The following CASD1 variants were observed in gnomAD, a reference collection of about 807,000 sequenced individuals.
CASD1 encodes the protein N-acetylneuraminate (7)9-O-acetyltransferase.
A neutral mutation model predicts 100.0 loss-of-function variants in CASD1; 41 were observed. The ratio of observed to expected loss-of-function variants is 0.41; its 90% CI spans 0.32 to 0.53. CASD1 has a LOEUF of 0.53. Ranked by LOEUF, CASD1 falls within the 20% of genes least tolerant of loss-of-function variation. The pLI is 0.25. For synonymous variants in CASD1, 321 were observed against 315.6 expected, an observed-to-expected ratio of 1.02 and a Z score of -0.18; for missense variants, 774 against 948.7, an observed-to-expected ratio of 0.82 and a Z score of 2.42.
At chr7:94,623,487 T>C in the CASD1 span, 2 of 840,148 alleles carry the variant, frequency 2.4e-6, no homozygotes, top group Admixed American at 2.2e-5. Context: ...AAATTGTCAT[T>C]CTTTCCATTT....
the CASD1 span, chr7:94,597,482 A>G: frequency 1.3e-5 from 2 of 152,176 alleles, no homozygotes; most frequent in African/African-American, 4.8e-5. Context: ...AAATGTACCC[A>G]GCAGAGTTCC....
Position 94,554,229 on chromosome 7 carries a change from A to G in CASD1, c.2035-254A>G, listed in dbSNP as rs539321404. ...CAAATCTGTAATTTTTCCAGTATACATAAAATTGTTCAGCCATGTACTACT... is the reference window on the plus strand; with the variant it reads ...CAAATCTGTAATTTTTCCAGTATACGTAAAATTGTTCAGCCATGTACTACT... On this transcript the variant is annotated intron_variant, in intron 16 of 17. Coordinates refer to ENST00000297273, the MANE Select transcript of CASD1 (RefSeq NM_022900.5). 9 of 255,532 alleles carry G rather than the reference A, an allele frequency of 3.5e-5. No individual in the cohort carries two copies. The South Asian group carries it at 1.2e-3, about 34-fold the overall frequency. 15.8% of individuals were successfully genotyped at this position (255,532 alleles called of 1,614,324 possible).
At chr7:94,608,393 G>A in the CASD1 span, among the ~76,000 whole-genome samples, 3 of 152,112 alleles carry the variant, frequency 2.0e-5, no homozygotes, top group African/African-American at 7.2e-5. Flanking sequence ...GTATGAGGAA[G>A]ACTACAAAAC....
chr7:94,533,337 T>A, intron 6 of CASD1, 88 bp downstream of exon 6: 2 of 1,036,740 alleles, frequency 1.9e-6, no homozygotes, highest in Non-Finnish European at 2.9e-6. Flanking sequence ...TCAGAATTCT[T>A]GATTGTACCT....
chr7:94,510,414 A>G (rs1793636989), intron 1 of CASD1, among the ~76,000 whole-genome samples, 197 bp downstream of exon 1: 1 of 152,106 alleles, frequency 6.6e-6, no homozygotes, highest in Admixed American at 6.5e-5. Flanking sequence ...GGGGGCCACC[A>G]AAGGACAATG....
chr7:94,597,310 G>A, the CASD1 span: 3 of 152,120 alleles, frequency 2.0e-5, no homozygotes, highest in East Asian at 5.8e-4. Context: ...GACCCTAAGT[G>A]ATGTTAGAGA....
chr7:94,544,278 A>G, intron 10 of CASD1, 133 bp from the exon 11 acceptor site: 2 of 1,099,722 alleles, frequency 1.8e-6, no homozygotes, highest in Non-Finnish European at 2.7e-6. Flanking sequence ...CTAACTTTTG[A>G]GAATCAACTT....
chr7:94,622,761 C>T, the CASD1 span: 1 of 152,056 alleles, frequency 6.6e-6, no homozygotes, highest in African/African-American at 2.4e-5. Flanking sequence ...AAATCACTTA[C>T]AATTTGAGCA....
rs1485567244 is a variant in CASD1, at chr7:94,510,195, C to T, written c.111C>T (p.His37=). The T allele has an allele frequency of 1.3e-6, 2 of 1,483,382 alleles. No individual in the cohort carries two copies. The highest frequency in any genetic ancestry group is 1.8e-6 in the Non-Finnish European group (2 of 1,117,458). 91.9% of individuals were successfully genotyped at this position (1,483,382 alleles called of 1,614,324 possible). ...CCGTGCTGCTGCTCGCAGCGTGCCACCTCGCCTCCCGCCGCTACCGAGGTG... is the reference window on the plus strand; with the variant it reads ...CCGTGCTGCTGCTCGCAGCGTGCCATCTCGCCTCCCGCCGCTACCGAGGTG... ...LVAVLLLAAC[H]LASRRYRGND... Residue 37 remains histidine, a synonymous_variant, in exon 1 of 18, where the codon CAC becomes CAT. Coordinates refer to ENST00000297273, the MANE Select transcript of CASD1 (RefSeq NM_022900.5).
In CASD1 at chr7:94,556,198, T is replaced by C. The variant is rs1361899325; in HGVS notation, c.*440T>C. 6.5e-6 allele frequency: 1 copy of C among 155,020 alleles called. No homozygotes were observed. Among genetic ancestry groups the C allele is most frequent in the Admixed American group, 6.4e-5 (1 of 15,638 alleles). 9.6% of individuals were successfully genotyped at this position (155,020 alleles called of 1,614,324 possible). A position where few individuals can be genotyped will look rare whatever the true frequency, so the allele number is the denominator to read the frequency against. ...TGTATTCATTGTGGAACTTCCTCTT[T>C]CATTGGAAACTTTCTTACTCAAGAA... On this transcript the variant is annotated 3_prime_UTR_variant, in exon 18 of 18. Transcript: ENST00000297273.
At chr7:94,567,460 G>GC in the CASD1 span, among the ~76,000 whole-genome samples, 1 of 152,098 alleles carries the variant, frequency 6.6e-6, no homozygotes. Flanking sequence ...ATTGCCATGA[G>GC]CCCCTTTTTT....
chr7:94,559,324 G>GTGTGTA (rs747599131), downstream of CASD1, among the ~76,000 whole-genome samples: 2 of 128,198 alleles, frequency 1.6e-5, no homozygotes, highest in Non-Finnish European at 3.5e-5. Context: ...GTGTGTGTGT[G>GTGTGTA]TATATATATA....
chr7:94,540,384 T>C (rs915168263), intron 10 of CASD1, among the ~76,000 whole-genome samples: 69 of 152,170 alleles, frequency 4.5e-4, no homozygotes, highest in African/African-American at 1.6e-3. Flanking sequence ...ATTAAGAAGA[T>C]AAATAACATG....
At chr7:94,574,914 G>A in the CASD1 span, among the ~76,000 whole-genome samples, 1 of 152,176 alleles carries the variant, frequency 6.6e-6, no homozygotes, top group South Asian at 2.1e-4. Flanking sequence ...AGCTTGCAGT[G>A]AGCCAAAATC....
the CASD1 span, among the ~76,000 whole-genome samples, chr7:94,575,802 C>T: frequency 6.6e-6 from 1 of 152,174 alleles, no homozygotes; most frequent in Non-Finnish European, 1.5e-5. Flanking sequence ...AAAATGTCAT[C>T]CCACTGCCTT....
At chr7:94,525,533 T>C (rs1345659555) in intron 3 of CASD1, among the ~76,000 whole-genome samples, 1 of 152,182 alleles carries the variant, frequency 6.6e-6, no homozygotes, top group Non-Finnish European at 1.5e-5. Context: ...TCAAACATTA[T>C]ATTAAAAAAG....
chr7:94,548,617 A>C (rs1795795911), intron 13 of CASD1, among the ~76,000 whole-genome samples: 2 of 151,868 alleles, frequency 1.3e-5, no homozygotes, highest in South Asian at 4.1e-4. Context: ...GTTTTATTAA[A>C]ATAATATTAT....
chr7:94,542,005 A>G (rs2116363633), intron 10 of CASD1, among the ~76,000 whole-genome samples: 1 of 152,344 alleles, frequency 6.6e-6, no homozygotes, highest in South Asian at 2.1e-4. Context: ...ATATTACATG[A>G]AAGTTGCAAT....
chr7:94,528,282 T>A (rs780467864), intron 5 of CASD1, 32 bp downstream of exon 5: 22 of 1,415,840 alleles, frequency 1.6e-5, no homozygotes, highest in Non-Finnish European at 1.9e-5. Flanking sequence ...GCTTTTTTTT[T>A]TTTTATTTTT....
Sources: gnomAD v4.1 joint callset for allele counts (sites outside exome capture counted in the v4.1 genomes callset) on GRCh38, gnomAD v4.1.1 for gene constraint, MANE v1.5 for transcripts, NCBI Gene and HGNC (gene_info 2026-07-23, HGNC 2026-07-21) for gene names.